Variants in ACTR5 observed in about 807,000 individuals in gnomAD.
The protein encoded by ACTR5 is actin-related protein 5.
Under a neutral mutation model 61.2 loss-of-function variants are expected in ACTR5, and 43 were observed. The observed-to-expected ratio is 0.70, with a 90% CI of 0.55 to 0.91. ACTR5 has a LOEUF of 0.91. ACTR5 is among the 40% of genes least tolerant of loss of function. The pLI is 0.00. For synonymous variants in ACTR5, 333 were observed against 310.5 expected (o/e 1.07, Z -0.76); for missense variants, 798 against 782.2 (o/e 1.02, Z -0.24).
intron 5 of ACTR5, among the ~76,000 whole-genome samples, chr20:38,764,595 G>A (rs531409503): frequency 6.6e-6 from 1 of 152,208 alleles, no homozygotes; most frequent in Non-Finnish European, 1.5e-5. Flanking sequence ...CTACCTTGGA[G>A]CCTCTAGTCG....
intron 3 of ACTR5, among the ~76,000 whole-genome samples, chr20:38,753,456 C>T (rs1029361685): frequency 2.0e-5 from 3 of 151,358 alleles, no homozygotes; most frequent in Non-Finnish European, 4.4e-5. Flanking sequence ...TCAAAAGGTA[C>T]ATACTATTTG....
In ACTR5 at chr20:38,750,602, TTTTGTTTTTTTTTTG is replaced by T. The variant is rs1247957947; in HGVS notation, c.605+367_605+381del. ...GACCATCTTTGTGTTCTGGAGTTTT[TTTTGTTTTTTTTTTG>T]TTTTTGTTTTTGTTTGTTTGTTTGT... On this transcript the variant is annotated intron_variant, in intron 2 of 8. Transcript: ENST00000243903. Among the ~76,000 whole-genome samples the T allele has an allele frequency of 7.4e-4, 15 of 20,302 alleles. No homozygotes were observed. The Admixed American group carries it at 0.015, about 21-fold the overall frequency. 13.3% of individuals were successfully genotyped at this position (20,302 alleles called of 152,430 possible). A position where few individuals can be genotyped will look rare whatever the true frequency, so the allele number is the denominator to read the frequency against.
intron 1 of ACTR5, among the ~76,000 whole-genome samples, chr20:38,749,551 C>T (rs2084373889): frequency 6.6e-6 from 1 of 152,104 alleles, no homozygotes; most frequent in Non-Finnish European, 1.5e-5. Flanking sequence ...AAATGGGGAG[C>T]CATGGCAGGG....
Position 38,754,956 on chromosome 20 carries a change from G to T in ACTR5, c.776-1G>T, listed in dbSNP as rs780144893. ...TAACTTTCAAAATTGTTTCTTTGAA[G>T]AATTACACAAATGGCGGTGTCCTGA... On this transcript the variant is annotated splice_acceptor_variant, in intron 3 of 8. Coordinates refer to ENST00000243903, the MANE Select transcript of ACTR5 (RefSeq NM_024855.4). LOFTEE classifies it high-confidence loss of function. 1.2e-5 allele frequency: 19 copies of T among 1,612,932 alleles called. No individual in the cohort carries two copies. In the East Asian group the frequency reaches 4.2e-4, roughly 36 times the overall value.
At chr20:38,770,853 C>T (rs2084515491) in intron 8 of ACTR5, among the ~76,000 whole-genome samples, 1 of 152,212 alleles carries the variant, frequency 6.6e-6, no homozygotes, top group South Asian at 2.1e-4. Context: ...CTCTGCCCTT[C>T]AGTCCCGAAA....
intron 2 of ACTR5, 36 bp downstream of exon 2, chr20:38,750,275 A>G: frequency 1.3e-6 from 2 of 1,561,518 alleles, no homozygotes; most frequent in Non-Finnish European, 1.8e-6. Context: ...TGCGATTTTG[A>G]GAAGCATTCA....
intron 2 of ACTR5, 48 bp downstream of exon 2, chr20:38,750,287 G>A (rs2084378711): frequency 6.6e-6 from 10 of 1,519,770 alleles, no homozygotes; most frequent in African/African-American, 1.4e-5. Context: ...AAGCATTCAG[G>A]AAACATTTAT....
At chr20:38,755,434 A>C (rs931328243) in intron 4 of ACTR5, among the ~76,000 whole-genome samples, 2 of 152,226 alleles carry the variant, frequency 1.3e-5, no homozygotes, top group Non-Finnish European at 2.9e-5. Context: ...AGCATACATG[A>C]TGCAAAGTGC....
In ACTR5 at chr20:38,771,745, C is replaced by T. The variant is rs561154003; in HGVS notation, c.1753C>T (p.Arg585Cys). 19 of 1,614,164 alleles carry T rather than the reference C, an allele frequency of 1.2e-5. No homozygotes were observed. The highest frequency in any genetic ancestry group is 1.6e-4 in the Middle Eastern group (1 of 6,062). The change falls in exon 9 of 9, where the codon CGC becomes TGC. Residue 585 changes from arginine to cysteine, a missense_variant. Coordinates refer to ENST00000243903, the MANE Select transcript of ACTR5 (RefSeq NM_024855.4). ...VPIRLPKQAS[R>C]SSDAQASSKG... is the part of the protein sequence containing the mutation. ...CATCCGCCTGCCGAAGCAGGCCTCC[C>T]GCTCCTCAGATGCCCAGGCATCCAG...
chr20:38,771,299 G>A (rs911720), intron 8 of ACTR5, among the ~76,000 whole-genome samples: 32,072 of 152,180 alleles, frequency 0.21, 3,776 homozygotes, highest in Middle Eastern at 0.34. Flanking sequence ...AGGAGGCTGA[G>A]CCACTGGCCC....
chr20:38,755,030 GCTCCTGGGCAGCA>G lies in ACTR5; in HGVS notation c.853_865del (p.Leu285Ter), dbSNP rs1353857194. On this transcript the variant is annotated frameshift_variant, in exon 4 of 9. Transcript: ENST00000243903. LOFTEE classifies it high-confidence loss of function. ...AGATGCAGCTCCCATTTTCCAGCAA[GCTCCTGGGCAGCA>G]CTCTGACCTCTGAGGAGAAACAAGA... is the stretch of plus-strand genomic sequence containing the variant. 6.2e-7 allele frequency: 1 copy of G among 1,614,264 alleles called. No homozygotes were observed. Among genetic ancestry groups the G allele is most frequent in the African/African-American group, 1.3e-5 (1 of 75,072 alleles).
At chr20:38,766,191 T>C (rs2084485397) in intron 6 of ACTR5, 47 bp from the exon 7 acceptor site, 3 of 1,572,954 alleles carry the variant, frequency 1.9e-6, no homozygotes, top group Non-Finnish European at 2.6e-6. Context: ...AACTGGAATG[T>C]TTGTCATTTG....
chr20:38,763,855 C>A (rs6124014), intron 5 of ACTR5, among the ~76,000 whole-genome samples: 25,990 of 152,134 alleles, frequency 0.17, 2,167 homozygotes, highest in Admixed American at 0.19. Flanking sequence ...ACCCATCTTC[C>A]TCCTCCTCAG....
rs749531473 is a variant in ACTR5, at chr20:38,771,564, A to G, written c.1572A>G (p.Gln524=). ...GGTGAATCTTTGTGTTTCAGGTTCA[A>G]CTTGCCTCGAACCCTGTGCTGGATG... ...MRPFRSSFQV[Q]LASNPVLDAW... is the part of the protein sequence containing the mutation. The change falls in exon 9 of 9, where the codon CAA becomes CAG. Residue 524 remains glutamine, a synonymous_variant. Transcript: ENST00000243903. 2 of 1,611,110 alleles carry G rather than the reference A, an allele frequency of 1.2e-6. No homozygotes were observed. The highest frequency in any genetic ancestry group is 1.7e-6 in the Non-Finnish European group (2 of 1,177,974).
intron 8 of ACTR5, among the ~76,000 whole-genome samples, chr20:38,768,286 G>A (rs1490689074): frequency 2.0e-5 from 3 of 152,190 alleles, no homozygotes; most frequent in African/African-American, 4.8e-5. Flanking sequence ...GGGCCTGCAT[G>A]TAATAAACTC....
chr20:38,762,700 G>A (rs750434454), intron 5 of ACTR5, among the ~76,000 whole-genome samples: 36 of 152,186 alleles, frequency 2.4e-4, no homozygotes, highest in Admixed American at 2.6e-4. Flanking sequence ...TCCAGGCTGG[G>A]TAGAGAAGGG....
intron 8 of ACTR5, among the ~76,000 whole-genome samples, chr20:38,768,073 G>A (rs1245813807): frequency 6.6e-6 from 1 of 152,158 alleles, no homozygotes; most frequent in South Asian, 2.1e-4. Context: ...TGTGCATCCT[G>A]CTAAGAAGCT....
intron 2 of ACTR5, among the ~76,000 whole-genome samples, chr20:38,751,597 G>A (rs2084387455): frequency 6.6e-6 from 1 of 152,194 alleles, no homozygotes; most frequent in African/African-American, 2.4e-5. Context: ...CTAGTGCTCT[G>A]CCACTTACTT....
intron 3 of ACTR5, 103 bp from the exon 4 acceptor site, chr20:38,754,854 G>A: frequency 7.8e-6 from 9 of 1,156,118 alleles, no homozygotes; most frequent in Non-Finnish European, 1.1e-5. Context: ...TCCCCAAAGT[G>A]CTGGGATTAC....
Sources: gnomAD v4.1 joint callset for allele counts (sites outside exome capture counted in the v4.1 genomes callset) on GRCh38, gnomAD v4.1.1 for gene constraint, MANE v1.5 for transcripts, NCBI Gene and HGNC (gene_info 2026-07-23, HGNC 2026-07-21) for gene names.